GRIN2A: variants seen among roughly 807,000 people sequenced by gnomAD.
GRIN2A encodes glutamate receptor ionotropic, NMDA 2A.
Under a neutral mutation model 113.4 loss-of-function variants are expected in GRIN2A, and 22 were observed. The observed-to-expected ratio is 0.19, with a 90% CI of 0.14 to 0.28. The LOEUF (loss-of-function observed/expected upper bound fraction) is 0.28, where lower values mean the gene tolerates loss of function less well. Ranked by LOEUF, GRIN2A falls within the 10% of genes least tolerant of loss-of-function variation. The pLI, the probability that GRIN2A is intolerant of heterozygous loss-of-function variation, is 1.00. For missense variants in GRIN2A, 1,502 were observed against 1,887.0 expected (o/e 0.80, Z 3.78); for synonymous variants, 827 against 738.4 (o/e 1.12, Z -1.94).
intron 7 of GRIN2A, 122 bp from the exon 8 acceptor site, chr16:9,834,352 C>T: frequency 1.2e-6 from 1 of 864,784 alleles, no homozygotes; most frequent in South Asian, 1.4e-5. Context: ...TGAATCTGAT[C>T]CTTCAAAAGA....
chr16:9,958,032 G>A (rs923323293), intron 2 of GRIN2A, among the ~76,000 whole-genome samples: 3 of 152,190 alleles, frequency 2.0e-5, no homozygotes, highest in African/African-American at 7.2e-5. Flanking sequence ...GTGATAAACT[G>A]CTTTAGAATC....
intron 2 of GRIN2A, among the ~76,000 whole-genome samples, chr16:10,102,113 A>G (rs188304778): frequency 1.4e-3 from 212 of 152,344 alleles, no homozygotes; most frequent in Non-Finnish European, 2.1e-3. Context: ...AACTATTTCA[A>G]TAAGGACACA....
intron 2 of GRIN2A, among the ~76,000 whole-genome samples, chr16:10,146,538 T>TG (rs2142275605): frequency 6.6e-6 from 1 of 152,138 alleles, no homozygotes; most frequent in African/African-American, 2.4e-5. Context: ...CACATACAGG[T>TG]GCCCTTCCAC....
chr16:9,901,907 C>A (rs770126132), intron 3 of GRIN2A, among the ~76,000 whole-genome samples: 15 of 152,114 alleles, frequency 9.9e-5, no homozygotes, highest in Non-Finnish European at 1.5e-4. Flanking sequence ...TGAGTAAGAG[C>A]GATCACTTAA....
chr16:10,069,102 G>A (rs1308647623), intron 2 of GRIN2A, among the ~76,000 whole-genome samples: 2 of 152,028 alleles, frequency 1.3e-5, no homozygotes, highest in African/African-American at 4.8e-5. Flanking sequence ...AGGCTATTCA[G>A]AAGAGAAGTG....
chr16:9,769,451 C>CTTTTTTTTTTTTTTTTTTTTGTTTTTT (rs1901126611), intron 11 of GRIN2A, among the ~76,000 whole-genome samples: 3 of 104,890 alleles, frequency 2.9e-5, no homozygotes, highest in East Asian at 6.3e-4. Flanking sequence ...GGAGTTTTGT[C>CTTTTTTTTTTTTTTTTTTTTGTTTTTT]TTTTTTTTTT....
intron 3 of GRIN2A, among the ~76,000 whole-genome samples, chr16:9,911,212 T>A (rs559667271): frequency 6.6e-6 from 1 of 152,054 alleles, no homozygotes; most frequent in South Asian, 2.1e-4. Flanking sequence ...ATAAGCTGAG[T>A]GTGGTGGCTC....
intron 4 of GRIN2A, among the ~76,000 whole-genome samples, chr16:9,855,306 G>T (rs1004936): frequency 1.3e-5 from 2 of 152,000 alleles, no homozygotes; most frequent in Non-Finnish European, 2.9e-5. Context: ...GCTGTTATGA[G>T]GCTTACTTAT....
At chr16:9,833,256 A>G (rs1252145726) in intron 8 of GRIN2A, among the ~76,000 whole-genome samples, 1 of 152,204 alleles carries the variant, frequency 6.6e-6, no homozygotes, top group Non-Finnish European at 1.5e-5. Context: ...TCCCTTTATC[A>G]ACTACAATGC....
intron 4 of GRIN2A, among the ~76,000 whole-genome samples, chr16:9,875,858 A>G (rs1018904817): frequency 6.6e-6 from 1 of 152,150 alleles, no homozygotes; most frequent in Non-Finnish European, 1.5e-5. Flanking sequence ...CCCAGGCTGG[A>G]GTAGGTGTCC....
intron 5 of GRIN2A, among the ~76,000 whole-genome samples, chr16:9,848,736 CTG>C (rs2042824357): frequency 1.1e-4 from 7 of 62,572 alleles, no homozygotes; most frequent in Admixed American, 9.2e-4. Flanking sequence ...ATAAAATACA[CTG>C]TTTTATAATA....
intron 10 of GRIN2A, among the ~76,000 whole-genome samples, chr16:9,811,180 T>C (rs1374903441): frequency 4.6e-5 from 7 of 152,188 alleles, no homozygotes; most frequent in South Asian, 2.1e-4. Context: ...TCGCATCTCC[T>C]AACCCCACGA....
intron 11 of GRIN2A, among the ~76,000 whole-genome samples, chr16:9,778,923 A>G (rs962863026): frequency 1.3e-5 from 2 of 152,186 alleles, no homozygotes; most frequent in African/African-American, 4.8e-5. Flanking sequence ...TGCAAATTCA[A>G]TACACCACCA....
At chr16:9,785,563 C>T (rs1450159730) in intron 11 of GRIN2A, among the ~76,000 whole-genome samples, 2 of 150,628 alleles carry the variant, frequency 1.3e-5, no homozygotes, top group South Asian at 2.1e-4. Flanking sequence ...ACGTTGTGCA[C>T]GTGTACCCTA....
At chr16:9,827,525 T>G (rs2042408552) in intron 9 of GRIN2A, among the ~76,000 whole-genome samples, 1 of 152,170 alleles carries the variant, frequency 6.6e-6, no homozygotes, top group African/African-American at 2.4e-5. Context: ...ACCTTAAAGT[T>G]TTTCCTGCTT....
At chr16:9,983,556 C>T (rs1313201865) in intron 2 of GRIN2A, among the ~76,000 whole-genome samples, 1 of 151,510 alleles carries the variant, frequency 6.6e-6, no homozygotes, top group Non-Finnish European at 1.5e-5. Flanking sequence ...TCTCCTGCCT[C>T]AGCCTCCCGA....
intron 9 of GRIN2A, among the ~76,000 whole-genome samples, chr16:9,825,320 G>A (rs1031331100): frequency 1.3e-5 from 2 of 152,198 alleles, no homozygotes; most frequent in African/African-American, 4.8e-5. Context: ...ATCCTCTAAT[G>A]CTTGGGATAG....
chr16:10,121,480 G>GC (rs61563790), intron 2 of GRIN2A: 127,378 of 151,888 alleles, frequency 0.84, 54,192 homozygotes, highest in East Asian at 0.92. Flanking sequence ...GTCAGGCAGA[G>GC]CCCCGGGAGC....
chr16:9,772,841 A>G (rs1365243281), intron 11 of GRIN2A, among the ~76,000 whole-genome samples: 5 of 151,828 alleles, frequency 3.3e-5, no homozygotes, highest in African/African-American at 1.2e-4. Flanking sequence ...CAGGATGTAA[A>G]TAAAAAGATT....
Sources: allele counts gnomAD v4.1 joint callset (sites outside exome capture counted in the v4.1 genomes callset), GRCh38; gene constraint gnomAD v4.1.1; transcripts MANE v1.5; gene names NCBI Gene and HGNC (gene_info 2026-07-23, HGNC 2026-07-21).